The following NME7 variants were observed in gnomAD, a reference collection of about 807,000 sequenced individuals.
NME7 encodes the protein nucleoside diphosphate kinase 7.
Under a neutral mutation model 49.1 loss-of-function variants are expected in NME7, and 41 were observed. The ratio of observed to expected loss-of-function variants is 0.83; its 90% CI spans 0.65 to 1.08. The LOEUF (loss-of-function observed/expected upper bound fraction) is 1.08, where lower values mean the gene tolerates loss of function less well. Among genes scored for constraint, NME7 ranks in the 50% least tolerant of loss-of-function variants. NME7 has a pLI of 0.00. For missense variants in NME7, 423 were observed against 463.4 expected (o/e 0.91, Z 0.80); for synonymous variants, 139 against 150.6 (o/e 0.92, Z 0.56).
chr1:169,312,826 T>C (rs1020741142), intron 3 of NME7, among the ~76,000 whole-genome samples: 1 of 152,216 alleles, frequency 6.6e-6, no homozygotes, highest in Non-Finnish European at 1.5e-5. Flanking sequence ...ATGGACTCTT[T>C]AAATGCCATT....
intron 10 of NME7, among the ~76,000 whole-genome samples, chr1:169,218,856 G>A (rs1661054692): frequency 6.6e-6 from 1 of 151,884 alleles, no homozygotes; most frequent in Non-Finnish European, 1.5e-5. Context: ...AAGAGACTAA[G>A]ATTTCAGATG....
chr1:169,323,275 T>C lies in NME7; in HGVS notation c.120A>G (p.Val40=). ...PGDGSVEMHD[V]KNHRTFLKRT... ...GCTTTAAAAAGGTGCGATGATTCTT[T>C]ACATCATGCTAGAACCAGACACAAC... The change falls in exon 3 of 12, where the codon GTA becomes GTG. Residue 40 remains valine (V), a synonymous_variant. Transcript: ENST00000367811. The C allele has an allele frequency of 5.0e-6, 8 of 1,594,784 alleles. No individual in the cohort carries two copies. Among genetic ancestry groups the C allele is most frequent in the Non-Finnish European group, 6.8e-6 (8 of 1,172,086 alleles).
chr1:169,270,967 C>T (rs1649471469), intron 7 of NME7, among the ~76,000 whole-genome samples: 1 of 133,818 alleles, frequency 7.5e-6, no homozygotes, highest in African/African-American at 2.5e-5. Flanking sequence ...ACATAATAAA[C>T]ACATTGCATA....
intron 10 of NME7, among the ~76,000 whole-genome samples, chr1:169,200,843 C>CT (rs1470490592): frequency 6.6e-6 from 1 of 152,194 alleles, no homozygotes; most frequent in Admixed American, 6.5e-5. Flanking sequence ...GCAGTGTGCA[C>CT]TGTCCTCTTG....
chr1:169,278,735 G>A (rs890083708), intron 7 of NME7, among the ~76,000 whole-genome samples: 6 of 152,178 alleles, frequency 3.9e-5, no homozygotes, highest in East Asian at 1.9e-4. Context: ...GAGGAACTGC[G>A]TTCCTTTGGA....
intron 7 of NME7, among the ~76,000 whole-genome samples, chr1:169,253,513 G>T (rs996620688): frequency 2.6e-5 from 4 of 152,086 alleles, no homozygotes; most frequent in African/African-American, 9.7e-5. Flanking sequence ...TGCAAACAGG[G>T]ACAATTTGAC....
At position 169,233,544 on chromosome 1, in the gene NME7, T is replaced by C. The variant is rs372140403; in HGVS notation, c.888+1587A>G. Among the ~76,000 whole-genome samples, 7 of 152,268 alleles carry C rather than the reference T, an allele frequency of 4.6e-5. No individual in the cohort carries two copies. In the South Asian group the frequency reaches 1.2e-3, roughly 27 times the overall value. On this transcript the variant is annotated intron_variant, in intron 9 of 11. Transcript: ENST00000367811. Reference sequence around the variant, plus strand: ...GATACACAACATCAAAGTAAAATAATTTATTACAGAATATATTTGAATATT... The same window carrying C: ...GATACACAACATCAAAGTAAAATAACTTATTACAGAATATATTTGAATATT...
chr1:169,178,104 G>A (rs1372328971), intron 10 of NME7, among the ~76,000 whole-genome samples: 1 of 152,150 alleles, frequency 6.6e-6, no homozygotes, highest in Non-Finnish European at 1.5e-5. Flanking sequence ...CTCCCAAAGT[G>A]CTGGGATTAC....
At chr1:169,231,727 C>T (rs1167475837) in intron 9 of NME7, among the ~76,000 whole-genome samples, 2 of 151,398 alleles carry the variant, frequency 1.3e-5, no homozygotes, top group African/African-American at 4.8e-5. Flanking sequence ...ATATATGGAG[C>T]ATCAAGGAGA....
At chr1:169,236,727 T>TA (rs971957762) in intron 8 of NME7, among the ~76,000 whole-genome samples, 5 of 151,576 alleles carry the variant, frequency 3.3e-5, no homozygotes, top group African/African-American at 9.7e-5. Context: ...TTCCCTTTTT[T>TA]TTTTTTCTTT....
intron 3 of NME7, chr1:169,310,662 C>A (rs1236905868): frequency 1.3e-5 from 2 of 152,190 alleles, no homozygotes; most frequent in African/African-American, 4.8e-5. Context: ...TACATCAGAA[C>A]AATGCATTCT....
chr1:169,223,727 A>G (rs1661213329), intron 10 of NME7, among the ~76,000 whole-genome samples: 1 of 152,152 alleles, frequency 6.6e-6, no homozygotes, highest in Non-Finnish European at 1.5e-5. Context: ...CAAGATCTGG[A>G]AACTAGGTAT....
chr1:169,206,749 TA>T (rs1660685086), intron 10 of NME7, among the ~76,000 whole-genome samples: 1 of 125,826 alleles, frequency 7.9e-6, no homozygotes, highest in African/African-American at 2.7e-5. Flanking sequence ...GCAGCTGATT[TA>T]ATAACTCTTA....
chr1:169,316,318 G>T (rs1355860740), intron 3 of NME7, among the ~76,000 whole-genome samples: 1 of 152,176 alleles, frequency 6.6e-6, no homozygotes, highest in Non-Finnish European at 1.5e-5. Context: ...TGTTGTATGA[G>T]TTGGGAGAGA....
At chr1:169,276,969 C>T (rs1401959242) in intron 7 of NME7, among the ~76,000 whole-genome samples, 2 of 150,330 alleles carry the variant, frequency 1.3e-5, no homozygotes, top group African/African-American at 2.4e-5. Context: ...CAGGAGCAGA[C>T]TGTTCAGTTT....
At chr1:169,256,041 C>T (rs1434370608) in intron 7 of NME7, among the ~76,000 whole-genome samples, 1 of 132,516 alleles carries the variant, frequency 7.5e-6, no homozygotes, top group African/African-American at 2.6e-5. Flanking sequence ...CATTATGTGT[C>T]TTGGAGTTGC....
intron 1 of NME7, among the ~76,000 whole-genome samples, chr1:169,358,792 AG>A (rs1653550974): frequency 6.6e-6 from 1 of 152,154 alleles, no homozygotes; most frequent in African/African-American, 2.4e-5. Flanking sequence ...TAGAAGAAAC[AG>A]GCACCATGGT....
chr1:169,210,755 G>A (rs898206641), intron 10 of NME7, among the ~76,000 whole-genome samples: 3 of 152,094 alleles, frequency 2.0e-5, no homozygotes, highest in African/African-American at 7.2e-5. Flanking sequence ...GGATGGGGAG[G>A]AGGTTCTGTA....
chr1:169,243,119 A>G (rs1648161738), intron 7 of NME7, among the ~76,000 whole-genome samples: 2 of 152,212 alleles, frequency 1.3e-5, no homozygotes, highest in Non-Finnish European at 2.9e-5. Context: ...AATGTGAGGT[A>G]ATCAGTCTAC....
Sources: gnomAD v4.1 joint callset for allele counts (sites outside exome capture counted in the v4.1 genomes callset) on GRCh38, gnomAD v4.1.1 for gene constraint, MANE v1.5 for transcripts, NCBI Gene and HGNC (gene_info 2026-07-23, HGNC 2026-07-21) for gene names.